Variants in DDI2 observed in about 807,000 individuals in gnomAD.
DDI2 encodes the protein protein DDI1 homolog 2.
DDI2 carries 5 observed loss-of-function variants against 48.1 expected under a neutral mutation model. The ratio of observed to expected loss-of-function variants is 0.10; its 90% CI spans 0.05 to 0.22. DDI2 has a LOEUF of 0.22. Among genes scored for constraint, DDI2 ranks in the 10% least tolerant of loss-of-function variants. DDI2 has a pLI of 1.00. For synonymous variants in DDI2, 205 were observed against 183.6 expected, an observed-to-expected ratio of 1.12 and a Z score of -0.94; for missense variants, 285 against 506.2, an observed-to-expected ratio of 0.56 and a Z score of 4.19.
At chr1:15,618,250 G>GC (rs1553152689) in intron 1 of DDI2, among the ~76,000 whole-genome samples, 1 of 131,252 alleles carries the variant, frequency 7.6e-6, no homozygotes, top group African/African-American at 3.1e-5. Flanking sequence ...ATGTTCCTCT[G>GC]CTTTTTTTTT....
chr1:15,621,932 A>G (rs959332047), intron 1 of DDI2, among the ~76,000 whole-genome samples: 1 of 152,252 alleles, frequency 6.6e-6, no homozygotes, highest in East Asian at 1.9e-4. Context: ...TTTAGATTAT[A>G]CAAGTCAAAT....
At chr1:15,648,070 G>A (rs1385733295) in intron 6 of DDI2, among the ~76,000 whole-genome samples, 2 of 152,016 alleles carry the variant, frequency 1.3e-5, no homozygotes, top group Non-Finnish European at 2.9e-5. Flanking sequence ...CCTTTCTTTT[G>A]AAATATGTAT....
chr1:15,652,640 G>A (rs553176985), intron 8 of DDI2, among the ~76,000 whole-genome samples: 7 of 151,942 alleles, frequency 4.6e-5, no homozygotes, highest in South Asian at 2.1e-4. Context: ...TGGCTAACAC[G>A]GTGAAACCCC....
chr1:15,647,551 C>T (rs540480988), intron 6 of DDI2, among the ~76,000 whole-genome samples: 1 of 152,248 alleles, frequency 6.6e-6, no homozygotes, highest in Admixed American at 6.5e-5. Flanking sequence ...ATCAAAGTTA[C>T]GGATGCTTTA....
rs1640368744 is a variant in DDI2, at chr1:15,661,203, C to A, written c.*1413C>A. 1 of 1,614,158 alleles carries A rather than the reference C, an allele frequency of 6.2e-7. No homozygotes were observed. Among genetic ancestry groups the A allele is most frequent in the Non-Finnish European group, 8.5e-7 (1 of 1,180,024 alleles). On this transcript the variant is annotated 3_prime_UTR_variant, in exon 10 of 10. Transcript: ENST00000480945. ...GAAGAGAAGCTGTAGAAAATGTAAA[C>A]TTCAGGAGTCTAGGTGATGGCCTGT...
Position 15,617,823 on chromosome 1 carries a change from G to C in DDI2, c.138+15G>C, listed in dbSNP as rs755121316. The C allele has an allele frequency of 6.3e-7, 1 of 1,578,878 alleles. No individual in the cohort carries two copies. The highest frequency in any genetic ancestry group is 1.1e-5 in the South Asian group (1 of 88,014). On this transcript the variant is annotated intron_variant, in intron 1 of 9. Transcript: ENST00000480945. ...CCGAGAGCCAGGTACGCCGGGCAGC[G>C]AGCCGGGCCTGCCCCGGAGCTAAGC...
chr1:15,656,778 C>A, intron 9 of DDI2, 99 bp downstream of exon 9: 2 of 1,542,066 alleles, frequency 1.3e-6, no homozygotes, highest in Non-Finnish European at 1.8e-6. Flanking sequence ...TTGTCATTCA[C>A]CATTTCACCT....
At chr1:15,659,391 A>G (rs919496032) in intron 9 of DDI2, among the ~76,000 whole-genome samples, 4 of 152,240 alleles carry the variant, frequency 2.6e-5, no homozygotes, top group Non-Finnish European at 5.9e-5. Flanking sequence ...GAAAATGCAC[A>G]TTCCTGGATT....
At chr1:15,637,094 A>G (rs1639941675) in intron 4 of DDI2, among the ~76,000 whole-genome samples, 1 of 152,208 alleles carries the variant, frequency 6.6e-6, no homozygotes, top group South Asian at 2.1e-4. Context: ...AAGGAGATTG[A>G]TTCATGCTGT....
Position 15,660,141 on chromosome 1 carries a change from G to A in DDI2, c.*351G>A. The A allele has an allele frequency of 6.2e-7, 1 of 1,614,198 alleles. No homozygotes were observed. Among genetic ancestry groups the A allele is most frequent in the South Asian group, 1.1e-5 (1 of 91,078 alleles). ...CAGCAGACCATGCTCCAACAGACCA[G>A]AGTCCAGCTATGCCTATGCAGAATT... On this transcript the variant is annotated 3_prime_UTR_variant, in exon 10 of 10. Coordinates refer to ENST00000480945, the MANE Select transcript of DDI2 (RefSeq NM_032341.5).
intron 8 of DDI2, 113 bp downstream of exon 8, chr1:15,652,008 G>T: frequency 7.6e-6 from 6 of 794,480 alleles, no homozygotes; most frequent in East Asian, 4.8e-5. Context: ...TCATGGTCCA[G>T]TAGTAGATGT....
intron 6 of DDI2, among the ~76,000 whole-genome samples, chr1:15,645,137 G>A (rs1054324703): frequency 2.6e-5 from 4 of 151,096 alleles, no homozygotes; most frequent in Admixed American, 1.3e-4. Context: ...CAAGTGATCC[G>A]CCCACGAGGC....
chr1:15,662,847 T>C lies in DDI2; in HGVS notation c.*3057T>C, dbSNP rs1412454282. On this transcript the variant is annotated 3_prime_UTR_variant, in exon 10 of 10. Transcript: ENST00000480945. The stretch of plus-strand genomic sequence containing the variant: ...ATTACAGTTTCTGACTTAAGTGGCC[T>C]TGGTAGAGTTTTCCATCCTTTTCTT... 2 of 152,258 alleles carry C rather than the reference T, an allele frequency of 1.3e-5. No homozygotes were observed. Among genetic ancestry groups the C allele is most frequent in the Non-Finnish European group, 2.9e-5 (2 of 68,052 alleles). The allele number at this position is 152,258 out of a possible 1,614,324, so 9.4% of individuals were successfully genotyped here.
chr1:15,630,168 T>G (rs572587456), intron 2 of DDI2, among the ~76,000 whole-genome samples, 157 bp from the exon 3 acceptor site: 98 of 152,294 alleles, frequency 6.4e-4, no homozygotes, highest in African/African-American at 2.2e-3. Context: ...GCCGGCAGTC[T>G]TTATATTCAG....
rs1444248542 is a variant in DDI2, at chr1:15,632,839, T to G, written c.506-600T>G. ...GCCACATGGTCACTCCCCACCATTT[T>G]AAATTGGAAAGTTGTTACCTCTGAG... is the stretch of plus-strand genomic sequence containing the variant. On this transcript the variant is annotated intron_variant, in intron 3 of 9. Coordinates refer to ENST00000480945, the MANE Select transcript of DDI2 (RefSeq NM_032341.5). 2.0e-5 allele frequency among the ~76,000 whole-genome samples: 3 copies of G among 151,886 alleles called. No individual in the cohort carries two copies. The East Asian group carries it at 5.8e-4, about 29-fold the overall frequency.
intron 4 of DDI2, among the ~76,000 whole-genome samples, chr1:15,634,539 C>CTT (rs370728497): frequency 2.0e-5 from 2 of 100,136 alleles, no homozygotes; most frequent in African/African-American, 9.0e-5. Flanking sequence ...TTCTTTTTAT[C>CTT]TTTTTTTTTT....
At chr1:15,633,076 GCACCAC>G (rs1557615071) in intron 3 of DDI2, among the ~76,000 whole-genome samples, 1 of 151,488 alleles carries the variant, frequency 6.6e-6, no homozygotes, top group Non-Finnish European at 1.5e-5. Context: ...CTACAGGCAT[GCACCAC>G]CACGCCCAAC....
At chr1:15,646,680 T>TC (rs1640097434) in intron 6 of DDI2, among the ~76,000 whole-genome samples, 1 of 151,498 alleles carries the variant, frequency 6.6e-6, no homozygotes, top group African/African-American at 2.4e-5. Context: ...AGAGTGAAAC[T>TC]CCATCTCTAA....
rs141120854 is a variant in DDI2, at chr1:15,632,032, C to T, written c.506-1407C>T. 4.3e-3 allele frequency among the ~76,000 whole-genome samples: 654 copies of T among 151,990 alleles called. 7 individuals are homozygous for T. Among genetic ancestry groups the T allele is most frequent in the African/African-American group, 0.014 (580 of 41,474 alleles). ...TGTTGGCCAGGCTGGTCTCAAACTC[C>T]TGACCTCGTGATCCACCCGTCTCGG... On this transcript the variant is annotated intron_variant, in intron 3 of 9. Coordinates refer to ENST00000480945, the MANE Select transcript of DDI2 (RefSeq NM_032341.5).
Sources: gnomAD v4.1 joint callset for allele counts (sites outside exome capture counted in the v4.1 genomes callset) on GRCh38, gnomAD v4.1.1 for gene constraint, MANE v1.5 for transcripts, NCBI Gene and HGNC (gene_info 2026-07-23, HGNC 2026-07-21) for gene names.